Variants in PTPRT observed in about 807,000 individuals in gnomAD.
PTPRT encodes the protein protein tyrosine phosphatase receptor type T.
Under a neutral mutation model 176.8 loss-of-function variants are expected in PTPRT, and 56 were observed. The ratio of observed to expected loss-of-function variants is 0.32; its 90% CI spans 0.26 to 0.40. PTPRT has a LOEUF of 0.40. Among genes scored for constraint, PTPRT ranks in the 10% least tolerant of loss-of-function variants. The pLI is 1.00. For synonymous variants in PTPRT, 783 were observed against 739.0 expected (o/e 1.06, Z -0.96); for missense variants, 1,540 against 1,908.2 (o/e 0.81, Z 3.60).
At chr20:43,091,137 A>T (rs2011830774) in intron 1 of PTPRT, among the ~76,000 whole-genome samples, 1 of 152,094 alleles carries the variant, frequency 6.6e-6, no homozygotes, top group African/African-American at 2.4e-5. Flanking sequence ...GGAGGCTGAG[A>T]CAGGAGAATC....
intron 27 of PTPRT, among the ~76,000 whole-genome samples, chr20:42,088,925 A>G (rs1229368849): frequency 6.6e-6 from 1 of 152,236 alleles, no homozygotes; most frequent in Admixed American, 6.5e-5. Flanking sequence ...TGAATCCATC[A>G]GTGCTCAACA....
chr20:42,729,302 C>T (rs1259777859), intron 6 of PTPRT, among the ~76,000 whole-genome samples: 1 of 152,134 alleles, frequency 6.6e-6, no homozygotes, highest in African/African-American at 2.4e-5. Context: ...TTAAAACCCA[C>T]AGCTGCAAAA....
At chr20:43,157,564 G>A (rs910926327) in intron 1 of PTPRT, among the ~76,000 whole-genome samples, 1 of 152,186 alleles carries the variant, frequency 6.6e-6, no homozygotes, top group Non-Finnish European at 1.5e-5. Flanking sequence ...AGTAGTTGGT[G>A]GGGGAAGGAG....
chr20:42,696,304 GCTTC>G (rs1417629295), intron 6 of PTPRT, among the ~76,000 whole-genome samples: 1 of 138,014 alleles, frequency 7.2e-6, no homozygotes, highest in Non-Finnish European at 1.5e-5. Context: ...TTTCTGTTTC[GCTTC>G]CTCCCTCCCT....
At chr20:42,176,356 A>T (rs1775586077) in intron 16 of PTPRT, among the ~76,000 whole-genome samples, 1 of 152,082 alleles carries the variant, frequency 6.6e-6, no homozygotes, top group Admixed American at 6.6e-5. Context: ...AGCCACATTT[A>T]CTCAAAATGC....
chr20:42,738,122 T>G (rs2076564150), intron 6 of PTPRT, among the ~76,000 whole-genome samples: 2 of 152,170 alleles, frequency 1.3e-5, no homozygotes, highest in Admixed American at 1.3e-4. Flanking sequence ...AGCTGGGATC[T>G]GAATACAAGT....
chr20:43,055,892 G>C (rs1303405286), intron 1 of PTPRT, among the ~76,000 whole-genome samples: 1 of 152,198 alleles, frequency 6.6e-6, no homozygotes, highest in Non-Finnish European at 1.5e-5. Flanking sequence ...GGGATCAGCT[G>C]AAGAGACCAG....
intron 1 of PTPRT, among the ~76,000 whole-genome samples, chr20:43,020,813 G>A (rs1365394867): frequency 1.3e-5 from 2 of 152,186 alleles, no homozygotes; most frequent in South Asian, 2.1e-4. Flanking sequence ...TTCATATTTT[G>A]TGTTTTATAA....
At chr20:42,538,067 T>G (rs987760599) in intron 7 of PTPRT, among the ~76,000 whole-genome samples, 1 of 152,010 alleles carries the variant, frequency 6.6e-6, no homozygotes, top group Non-Finnish European at 1.5e-5. Context: ...ATATCCCTAT[T>G]AAGTAAGTTC....
At chr20:42,291,935 T>C (rs1473676874) in intron 12 of PTPRT, among the ~76,000 whole-genome samples, 1 of 152,104 alleles carries the variant, frequency 6.6e-6, no homozygotes, top group Non-Finnish European at 1.5e-5. Context: ...GGCTGTTACA[T>C]AGAGAATAGA....
intron 7 of PTPRT, among the ~76,000 whole-genome samples, chr20:42,583,177 C>T (rs1343576346): frequency 1.3e-5 from 2 of 152,188 alleles, no homozygotes; most frequent in African/African-American, 4.8e-5. Context: ...TGATCTTGCT[C>T]CTGACCTTGA....
chr20:42,429,831 G>A (rs1023919699), intron 9 of PTPRT, among the ~76,000 whole-genome samples: 5 of 152,214 alleles, frequency 3.3e-5, no homozygotes, highest in Non-Finnish European at 7.3e-5. Context: ...CTTGAGCAGG[G>A]TGCTGAGGAT....
chr20:42,151,728 C>G (rs541767673), intron 17 of PTPRT, among the ~76,000 whole-genome samples: 2 of 152,310 alleles, frequency 1.3e-5, no homozygotes, highest in Non-Finnish European at 2.9e-5. Context: ...GCCACACTGT[C>G]TTTCACAATG....
intron 7 of PTPRT, among the ~76,000 whole-genome samples, chr20:42,649,974 A>G (rs2074999729): frequency 6.6e-6 from 1 of 152,118 alleles, no homozygotes; most frequent in South Asian, 2.1e-4. Flanking sequence ...CCTTATAAAG[A>G]GCTCTCCAAA....
chr20:42,254,063 T>C (rs6030089), intron 13 of PTPRT, among the ~76,000 whole-genome samples: 72,187 of 152,000 alleles, frequency 0.47, 19,047 homozygotes, highest in Non-Finnish European at 0.58. Flanking sequence ...ATTAGCTCCA[T>C]ACATAGGGTC....
At chr20:42,563,999 CCCCTCTGGA>C (rs2072997648) in intron 7 of PTPRT, among the ~76,000 whole-genome samples, 1 of 152,282 alleles carries the variant, frequency 6.6e-6, no homozygotes, top group African/African-American at 2.4e-5. Context: ...TCTTGAAGTC[CCCCTCTGGA>C]CCCTCTGTAT....
At chr20:42,725,370 A>G (rs2076364486) in intron 6 of PTPRT, among the ~76,000 whole-genome samples, 1 of 152,066 alleles carries the variant, frequency 6.6e-6, no homozygotes, top group Non-Finnish European at 1.5e-5. Flanking sequence ...AGAATGTTTA[A>G]TGACAGGCTC....
At chr20:42,349,270 A>G (rs1425833615) in intron 11 of PTPRT, among the ~76,000 whole-genome samples, 2 of 152,076 alleles carry the variant, frequency 1.3e-5, no homozygotes, top group African/African-American at 4.8e-5. Flanking sequence ...CAGCACTCCC[A>G]CCTTGATGTT....
chr20:42,644,891 G>C (rs2145944607), intron 7 of PTPRT, among the ~76,000 whole-genome samples: 1 of 152,226 alleles, frequency 6.6e-6, no homozygotes, highest in Non-Finnish European at 1.5e-5. Context: ...ATTTCTCATT[G>C]AAGGTACAGT....
Sources: gnomAD v4.1 joint callset for allele counts (sites outside exome capture counted in the v4.1 genomes callset) on GRCh38, gnomAD v4.1.1 for gene constraint, MANE v1.5 for transcripts, NCBI Gene and HGNC (gene_info 2026-07-23, HGNC 2026-07-21) for gene names.